Variants in PDZRN3 observed in about 807,000 individuals in gnomAD.
PDZRN3 encodes E3 ubiquitin-protein ligase PDZRN3.
PDZRN3 carries 38 observed loss-of-function variants against 85.7 expected under a neutral mutation model. The observed-to-expected ratio is 0.44, with a 90% CI of 0.34 to 0.58. The LOEUF (loss-of-function observed/expected upper bound fraction) is 0.58. Among genes scored for constraint, PDZRN3 ranks in the 20% least tolerant of loss-of-function variants. The pLI is 0.01. For synonymous variants in PDZRN3, 759 were observed against 638.0 expected (o/e 1.19, Z -2.86); for missense variants, 1,629 against 1,506.4 (o/e 1.08, Z -1.35).
intron 7 of PDZRN3, 65 bp from the exon 8 acceptor site, chr3:73,388,134 A>G: frequency 2.6e-6 from 2 of 776,560 alleles, no homozygotes; most frequent in South Asian, 3.7e-5. Context: ...ATGGTGCAAA[A>G]TCATTCTATT....
intron 3 of PDZRN3, among the ~76,000 whole-genome samples, chr3:73,598,214 A>G (rs894846190): frequency 6.6e-6 from 1 of 152,196 alleles, no homozygotes; most frequent in Admixed American, 6.5e-5. Flanking sequence ...ACTATTTGAA[A>G]GAATATGAGC....
intron 3 of PDZRN3, chr3:73,408,182 A>G (rs941566964): frequency 3.7e-5 from 26 of 703,200 alleles, no homozygotes; most frequent in African/African-American, 2.1e-4. Flanking sequence ...AGGGACAGCA[A>G]TTGTGGGATG....
At chr3:73,602,545 T>A (rs1470917661) in intron 2 of PDZRN3, 84 bp from the exon 3 acceptor site, 1 of 739,742 alleles carries the variant, frequency 1.4e-6, no homozygotes, top group African/African-American at 1.7e-5. Flanking sequence ...AAAACAGTAA[T>A]TGACTCTTGC....
chr3:73,435,630 G>A (rs28611258), intron 3 of PDZRN3, among the ~76,000 whole-genome samples: 6,370 of 151,980 alleles, frequency 0.042, 439 homozygotes, highest in African/African-American at 0.15. Context: ...TGGTCTGTTC[G>A]ACCCCAAATT....
intron 3 of PDZRN3, among the ~76,000 whole-genome samples, chr3:73,469,390 C>T (rs187042582): frequency 1.6e-3 from 250 of 152,288 alleles, no homozygotes; most frequent in Non-Finnish European, 2.9e-4. Context: ...CTCTTTAATA[C>T]GAATGAGATC....
chr3:73,420,609 C>G (rs1198797037), intron 3 of PDZRN3, among the ~76,000 whole-genome samples: 1 of 152,222 alleles, frequency 6.6e-6, no homozygotes, highest in Non-Finnish European at 1.5e-5. Context: ...CTGAAGATGT[C>G]CACATAAGTT....
chr3:73,386,159 T>A lies in PDZRN3; in HGVS notation c.1519-374A>T, dbSNP rs149530209. ...GAGTTTAACAGGTCCCATAGAAAAA[T>A]GATTTTCAGTGTGAAAAGAGTTCTT... On this transcript the variant is annotated intron_variant, in intron 8 of 9. Coordinates refer to ENST00000263666, the MANE Select transcript of PDZRN3 (RefSeq NM_015009.3). 6.6e-5 allele frequency among the ~76,000 whole-genome samples: 10 copies of A among 151,262 alleles called. No homozygotes were observed. In the South Asian group the frequency reaches 1.9e-3, roughly 28 times the overall value.
In PDZRN3 at chr3:73,623,165, T is replaced by C. The variant is rs147461563; in HGVS notation, c.723+938A>G. On this transcript the variant is annotated intron_variant, in intron 1 of 9. Coordinates refer to ENST00000263666, the MANE Select transcript of PDZRN3 (RefSeq NM_015009.3). ...TAAAAATAATTCTAGGTAACACTTGTTGAGCATTTATTTACTCTCTGCCAG... is the reference window on the plus strand; with the variant it reads ...TAAAAATAATTCTAGGTAACACTTGCTGAGCATTTATTTACTCTCTGCCAG... Among the ~76,000 whole-genome samples, 1,272 of 152,328 alleles carry C rather than the reference T, an allele frequency of 8.4e-3. 7 individuals carry two copies. Among genetic ancestry groups the C allele is most frequent in the Non-Finnish European group, 0.014 (967 of 68,024 alleles).
intron 3 of PDZRN3, among the ~76,000 whole-genome samples, chr3:73,407,881 T>C (rs1701885639): frequency 6.6e-6 from 1 of 152,164 alleles, no homozygotes; most frequent in African/African-American, 2.4e-5. Flanking sequence ...TGGGTACTGT[T>C]ACACGGCATT....
Position 73,494,940 on chromosome 3 carries a change from A to G in PDZRN3, c.919-90545T>C, listed in dbSNP as rs1189243551. On this transcript the variant is annotated intron_variant, in intron 3 of 9. Transcript: ENST00000263666. ...AAGGGAACAGAAAACCAAATAATGC[A>G]TATTCTCACTTGTAAGTGGGAGCTA... Among the ~76,000 whole-genome samples the G allele has an allele frequency of 2.0e-5, 3 of 152,232 alleles. No homozygotes were observed. The East Asian group carries it at 5.8e-4, about 29-fold the overall frequency.
chr3:73,430,449 C>G (rs1702408616), intron 3 of PDZRN3, among the ~76,000 whole-genome samples: 1 of 152,136 alleles, frequency 6.6e-6, no homozygotes, highest in Non-Finnish European at 1.5e-5. Flanking sequence ...CACCATTTTA[C>G]AAAAAGTCTC....
At chr3:73,486,408 A>AAG (rs397801646) in intron 3 of PDZRN3, among the ~76,000 whole-genome samples, 12 of 151,282 alleles carry the variant, frequency 7.9e-5, no homozygotes, top group African/African-American at 2.7e-4. Context: ...GGAAAAAAAA[A>AAG]TCAATCCACC....
chr3:73,530,257 T>C (rs112092207), intron 3 of PDZRN3, among the ~76,000 whole-genome samples: 2 of 152,344 alleles, frequency 1.3e-5, no homozygotes, highest in Admixed American at 6.5e-5. Context: ...CTGGTTCTTT[T>C]ACTGAGCACA....
intron 3 of PDZRN3, among the ~76,000 whole-genome samples, chr3:73,407,782 A>G (rs1701883836): frequency 6.6e-6 from 1 of 152,230 alleles, no homozygotes; most frequent in Admixed American, 6.5e-5. Flanking sequence ...GTCTAAAGCT[A>G]AAAGCATTCT....
Position 73,624,624 on chromosome 3 carries a change from C to A in PDZRN3, c.202G>T (p.Val68Phe). 1 of 1,556,754 alleles carries A rather than the reference C, an allele frequency of 6.4e-7. No individual in the cohort carries two copies. Among genetic ancestry groups the A allele is most frequent in the Admixed American group, 1.9e-5 (1 of 53,434 alleles). Residue 68 changes from valine (V) to phenylalanine (F), a missense_variant, in exon 1 of 10, where the codon GTC (valine) becomes TTC (phenylalanine). Coordinates refer to ENST00000263666, the MANE Select transcript of PDZRN3 (RefSeq NM_015009.3). ...GRLSAKELNH[V>F]LPLKRLILKL... ...AGGATAAGGCGCTTGAGCGGCAGGA[C>A]GTGGTTGAGCTCTTTGGCCGACAGG... is the stretch of plus-strand genomic sequence containing the variant.
chr3:73,552,861 C>A lies in PDZRN3; in HGVS notation c.918+49493G>T, dbSNP rs570051456. ...TAGAGTATAAACAACACAGTCCTACCGAGCACAGTTGCTCAGTGTGATGAC... is the reference window on the plus strand; with the variant it reads ...TAGAGTATAAACAACACAGTCCTACAGAGCACAGTTGCTCAGTGTGATGAC... On this transcript the variant is annotated intron_variant, in intron 3 of 9. Coordinates refer to ENST00000263666, the MANE Select transcript of PDZRN3 (RefSeq NM_015009.3). Among the ~76,000 whole-genome samples the A allele has an allele frequency of 2.0e-5, 3 of 152,128 alleles. No individual in the cohort carries two copies. The South Asian group carries it at 6.2e-4, about 32-fold the overall frequency.
rs193032287 is a variant in PDZRN3, at chr3:73,505,968, C to T, written c.918+96386G>A. Among the ~76,000 whole-genome samples, 54 of 152,150 alleles carry T rather than the reference C, an allele frequency of 3.5e-4. 1 individual carries two copies. The highest frequency in any genetic ancestry group is 1.3e-3 in the African/African-American group (54 of 41,506). On this transcript the variant is annotated intron_variant, in intron 3 of 9. Transcript: ENST00000263666. ...TCATTTAAATATGACAAGTATCCCC[C>T]CTAAGACTCCCATGAATCAACACAG...
At chr3:73,511,451 T>C (rs950369460) in intron 3 of PDZRN3, among the ~76,000 whole-genome samples, 2 of 152,146 alleles carry the variant, frequency 1.3e-5, no homozygotes, top group Admixed American at 6.5e-5. Flanking sequence ...GGGGTGAACG[T>C]GGTGGGATTT....
chr3:73,405,389 A>AAAAC (rs1215228485), intron 3 of PDZRN3, among the ~76,000 whole-genome samples: 1 of 152,220 alleles, frequency 6.6e-6, no homozygotes, highest in Admixed American at 6.5e-5. Context: ...CTTCCCCCAT[A>AAAAC]AAACAAAGGA....
Sources: gnomAD v4.1 joint callset for allele counts (sites outside exome capture counted in the v4.1 genomes callset) on GRCh38, gnomAD v4.1.1 for gene constraint, MANE v1.5 for transcripts, NCBI Gene and HGNC (gene_info 2026-07-23, HGNC 2026-07-21) for gene names.